Variants in ZNF44 observed in about 807,000 individuals in gnomAD.
The protein encoded by ZNF44 is gonadotropin inducible transcription repressor-2.
Under a neutral mutation model 11.7 loss-of-function variants are expected in ZNF44, and 9 were observed. The observed-to-expected ratio is 0.77, with a 90% CI of 0.46 to 1.35. ZNF44 has a LOEUF of 1.35. Ranked by LOEUF, ZNF44 falls within the 40% of genes most tolerant of loss-of-function variation. The probability of loss-of-function intolerance (pLI) is 0.00; values close to 1 mark genes in which losing one functional copy is unlikely to be tolerated. For synonymous variants in ZNF44, 224 were observed against 242.7 expected, an observed-to-expected ratio of 0.92 and a Z score of 0.72; for missense variants, 696 against 743.1, an observed-to-expected ratio of 0.94 and a Z score of 0.74.
At chr19:12,229,050 G>T (rs1189546383) in intron 3 of ZNF44, among the ~76,000 whole-genome samples, 1 of 152,150 alleles carries the variant, frequency 6.6e-6, no homozygotes, top group African/African-American at 2.4e-5. Context: ...TGAACTGAAA[G>T]ATCCCACAGC....
At chr19:12,255,131 CA>C (rs1568431199) in intron 5 of ZNF44, among the ~76,000 whole-genome samples, 166 of 147,804 alleles carry the variant, frequency 1.1e-3, no homozygotes, top group African/African-American at 3.6e-3. Flanking sequence ...CACACACACA[CA>C]CCCCTTTGTG....
At chr19:12,250,049 G>A in intron 6 of ZNF44, 2 of 1,276,680 alleles carry the variant, frequency 1.6e-6, no homozygotes, top group Non-Finnish European at 2.0e-6. Context: ...CTGAAATGCA[G>A]ACCCAGAAAA....
In ZNF44 at chr19:12,292,752, T is replaced by C. The variant is rs1016092200; in HGVS notation, c.3+1940A>G. The stretch of plus-strand genomic sequence containing the variant: ...GAGTCCAGAAGGCAGAAATCATTTG[T>C]CTTGTCCCCTGAATAACACCATCCA... On this transcript the variant is annotated intron_variant, in intron 1 of 3. Coordinates refer to ENST00000355684, the MANE Select transcript of ZNF44 (RefSeq NM_016264.4). Among the ~76,000 whole-genome samples, 3 of 151,978 alleles carry C rather than the reference T, an allele frequency of 2.0e-5. No individual in the cohort carries two copies. In the East Asian group the frequency reaches 5.8e-4, roughly 29 times the overall value.
At chr19:12,288,774 GTA>G (rs55971577) in intron 1 of ZNF44, among the ~76,000 whole-genome samples, 8,206 of 76,736 alleles carry the variant, frequency 0.11, 599 homozygotes, top group East Asian at 0.31. Context: ...AAAAAAAAAT[GTA>G]TATATATATA....
chr19:12,255,976 G>A (rs1456251789), intron 5 of ZNF44, among the ~76,000 whole-genome samples: 1 of 141,360 alleles, frequency 7.1e-6, no homozygotes, highest in Non-Finnish European at 1.5e-5. Context: ...GGCGGAGGTT[G>A]CAGTGAGCCG....
upstream of ZNF44, among the ~76,000 whole-genome samples, chr19:12,238,964 G>A (rs1227879573): frequency 6.6e-6 from 1 of 152,224 alleles, no homozygotes; most frequent in East Asian, 1.9e-4. Flanking sequence ...TGTCCCCTCA[G>A]TGTGGAAATG....
rs1043076340 is a variant in ZNF44 at position 12,280,126 on chromosome 19, G to A, written c.4-4044C>T. ...CCCAGCTACTAGGGAGGCTGAGGCA[G>A]GACAATTGCTTGAACCCAGGAGGCA... is the stretch of plus-strand genomic sequence containing the variant. On this transcript the variant is annotated intron_variant, in intron 1 of 3. Coordinates refer to ENST00000355684, the MANE Select transcript of ZNF44 (RefSeq NM_016264.4). 2.2e-4 allele frequency among the ~76,000 whole-genome samples: 34 copies of A among 152,226 alleles called. 1 individual carries two copies. Among genetic ancestry groups the A allele is most frequent in the African/African-American group, 7.9e-4 (33 of 41,534 alleles).
chr19:12,236,788 T>A (rs1916406522), intron 1 of ZNF44, among the ~76,000 whole-genome samples: 1 of 152,232 alleles, frequency 6.6e-6, no homozygotes, highest in Non-Finnish European at 1.5e-5. Flanking sequence ...ACACAAGGTA[T>A]AACACTTCAC....
chr19:12,281,345 G>C (rs1305621328), intron 1 of ZNF44, among the ~76,000 whole-genome samples: 1 of 152,116 alleles, frequency 6.6e-6, no homozygotes, highest in Non-Finnish European at 1.5e-5. Context: ...CAAACTTCAA[G>C]GAGAATTGTC....
intron 2 of ZNF44, among the ~76,000 whole-genome samples, chr19:12,231,302 AGAGGTGGTG>A (rs1335566721): frequency 6.6e-6 from 1 of 152,082 alleles, no homozygotes; most frequent in African/African-American, 2.4e-5. Flanking sequence ...CTCAGCTCGT[AGAGGTGGTG>A]GATCCATGCC....
chr19:12,260,657 C>T (rs902178689), intron 5 of ZNF44: 27 of 597,982 alleles, frequency 4.5e-5, no homozygotes, highest in African/African-American at 3.6e-4. Context: ...GGTCCTTGCC[C>T]AGGATGTAAA....
chr19:12,260,824 T>G (rs1917478586), intron 5 of ZNF44, among the ~76,000 whole-genome samples: 1 of 152,126 alleles, frequency 6.6e-6, no homozygotes, highest in South Asian at 2.1e-4. Context: ...ACAAAGCATG[T>G]GCTCCCAGTA....
At chr19:12,290,699 CAAATAAATAAAT>C (rs201422087) in intron 1 of ZNF44, among the ~76,000 whole-genome samples, 1 of 149,802 alleles carries the variant, frequency 6.7e-6, no homozygotes, top group South Asian at 2.1e-4. Context: ...GACTCTACCT[CAAATAAATAAAT>C]AAATAAATAA....
intron 3 of ZNF44, 33 bp downstream of exon 3, chr19:12,274,940 G>A: frequency 6.6e-7 from 1 of 1,505,872 alleles, no homozygotes; most frequent in Non-Finnish European, 9.1e-7. Flanking sequence ...AACACTGCAA[G>A]GACATCACCT....
intron 1 of ZNF44, chr19:12,284,933 C>T: frequency 2.8e-6 from 2 of 720,762 alleles, no homozygotes; most frequent in Non-Finnish European, 5.0e-6. Flanking sequence ...CGCCTGTGCC[C>T]AAGAAGCTGC....
At chr19:12,252,970 C>T (rs996750926) in intron 5 of ZNF44, among the ~76,000 whole-genome samples, 1 of 147,964 alleles carries the variant, frequency 6.8e-6, no homozygotes, top group South Asian at 2.1e-4. Flanking sequence ...TCACTGCAAC[C>T]TCCGCCTCCA....
At chr19:12,293,604 G>A (rs749087440) in intron 1 of ZNF44, among the ~76,000 whole-genome samples, 10 of 152,104 alleles carry the variant, frequency 6.6e-5, no homozygotes, top group Non-Finnish European at 1.3e-4. Context: ...AAAATTCTGT[G>A]TCTATTTGAA....
At chr19:12,248,478 T>G in exon 8 of ZNF44, 1 of 1,290,934 alleles carries the variant, frequency 7.7e-7, no homozygotes, top group Non-Finnish European at 1.0e-6. Flanking sequence ...CTGACACTTA[T>G]ACAGTTTGTG....
Position 12,273,025 on chromosome 19 carries a change from T to G in ZNF44, c.1230A>C (p.Arg410Ser). The G allele has an allele frequency of 6.2e-7, 1 of 1,613,836 alleles. No individual in the cohort carries two copies. ...TCTCTCCAGTGTGAGTCCTTTCATG[T>G]CTTTGAAATACACTAGGAGAATCAA... is the stretch of plus-strand genomic sequence containing the variant. ...KAFDSPSVFQRHERTHTGEKP... is the reference protein window; with the variant it reads ...KAFDSPSVFQSHERTHTGEKP... The change falls in exon 4 of 4, where the codon AGA becomes AGC. Residue 410 changes from arginine (R) to serine (S), a missense_variant. Transcript: ENST00000355684.
Sources: allele counts gnomAD v4.1 joint callset (sites outside exome capture counted in the v4.1 genomes callset), GRCh38; gene constraint gnomAD v4.1.1; transcripts MANE v1.5; gene names NCBI Gene and HGNC (gene_info 2026-07-23, HGNC 2026-07-21).